Variants in MAGI2 observed in about 807,000 individuals in gnomAD.
MAGI2 encodes the protein membrane-associated guanylate kinase, WW and PDZ domain-containing protein 2.
In MAGI2, 35 loss-of-function variants were observed where a neutral mutation model predicts 133.3. That is an observed-to-expected ratio of 0.26 (90% CI 0.20 to 0.35). The LOEUF is 0.35. Among genes scored for constraint, MAGI2 ranks in the 10% least tolerant of loss-of-function variants. MAGI2 has a pLI of 1.00. For missense variants in MAGI2, 1,636 were observed against 1,863.4 expected (o/e 0.88, Z 2.25); for synonymous variants, 729 against 710.6 (o/e 1.03, Z -0.41).
chr7:79,292,630 C>A (rs1227284576), intron 1 of MAGI2, among the ~76,000 whole-genome samples: 1 of 149,906 alleles, frequency 6.7e-6, no homozygotes, highest in African/African-American at 2.5e-5. Flanking sequence ...GAGACCCTGC[C>A]ACCAAAAAAA....
rs540512435 is a variant in MAGI2 at position 78,929,641 on chromosome 7, G to A, written c.418+77449C>T. On this transcript the variant is annotated intron_variant, in intron 2 of 21. Transcript: ENST00000354212. The stretch of plus-strand genomic sequence containing the variant: ...CTACAATGTCTGCTTCCATCATCAC[G>A]TAGGCTTCTTTTATGGTTCCTTCTG... 1.1e-4 allele frequency among the ~76,000 whole-genome samples: 17 copies of A among 152,052 alleles called. 1 individual carries two copies. In the South Asian group the frequency reaches 2.5e-3, roughly 22 times the overall value.
chr7:79,178,051 T>C (rs1826269420), intron 1 of MAGI2, among the ~76,000 whole-genome samples: 2 of 152,000 alleles, frequency 1.3e-5, no homozygotes, highest in Non-Finnish European at 2.9e-5. Flanking sequence ...CTATCATATC[T>C]TCAAAGTAGT....
Position 78,745,862 on chromosome 7 carries a change from T to G in MAGI2, c.419-118623A>C, listed in dbSNP as rs573328986. Among the ~76,000 whole-genome samples the G allele has an allele frequency of 1.8e-4, 28 of 152,324 alleles. 3 individuals are homozygous for G. The Middle Eastern group carries it at 0.01, about 56-fold the overall frequency. On this transcript the variant is annotated intron_variant, in intron 2 of 21. Coordinates refer to ENST00000354212, the MANE Select transcript of MAGI2 (RefSeq NM_012301.4). The stretch of plus-strand genomic sequence containing the variant: ...ATTGTCTTACTCTCCCTATCCTGCT[T>G]TATGAGTTGATAGTGGTATCAGTTA...
In MAGI2 at chr7:78,905,244, GT is replaced by G. The variant is rs1797909301; in HGVS notation, c.418+101845del. 2.0e-5 allele frequency among the ~76,000 whole-genome samples: 3 copies of G among 152,100 alleles called. No individual in the cohort carries two copies. In the South Asian group the frequency reaches 6.2e-4, roughly 31 times the overall value. On this transcript the variant is annotated intron_variant, in intron 2 of 21. Transcript: ENST00000354212. Reference sequence around the variant, plus strand: ...CTCTCCAAACTCTTTCCTACAATGTGTTGCAATTTTCAGTAATGACACCGTG... The same window carrying G: ...CTCTCCAAACTCTTTCCTACAATGTGTGCAATTTTCAGTAATGACACCGTG...
At chr7:78,808,363 TCTC>T (rs1236101071) in intron 2 of MAGI2, among the ~76,000 whole-genome samples, 2 of 152,036 alleles carry the variant, frequency 1.3e-5, no homozygotes, top group Non-Finnish European at 2.9e-5. Context: ...TTCAAGCAAT[TCTC>T]CTGCCTCAGC....
intron 1 of MAGI2, among the ~76,000 whole-genome samples, chr7:79,207,883 C>T (rs1829186899): frequency 6.6e-6 from 1 of 151,948 alleles, no homozygotes; most frequent in Non-Finnish European, 1.5e-5. Flanking sequence ...AATAAATCCA[C>T]ACATTTACGG....
Position 78,298,215 on chromosome 7 carries a change from C to T in MAGI2, c.1409-41634G>A, listed in dbSNP as rs117850644. ...CAGTACTCATGGGAATTGTCAAGGT[C>T]ATCAAAAACAAGAAAAGTCTAAAAA... On this transcript the variant is annotated intron_variant, in intron 9 of 21. Coordinates refer to ENST00000354212, the MANE Select transcript of MAGI2 (RefSeq NM_012301.4). 7.8e-3 allele frequency among the ~76,000 whole-genome samples: 1,179 copies of T among 152,096 alleles called. 15 individuals are homozygous for T. The highest frequency in any genetic ancestry group is 0.044 in the Middle Eastern group (13 of 294).
intron 2 of MAGI2, among the ~76,000 whole-genome samples, chr7:78,892,933 T>C (rs1796888019): frequency 6.6e-6 from 1 of 151,822 alleles, no homozygotes; most frequent in Admixed American, 6.6e-5. Context: ...ACCATCAGAG[T>C]GAACAGGCAA....
At chr7:78,923,840 T>C (rs1362931827) in intron 2 of MAGI2, among the ~76,000 whole-genome samples, 1 of 152,188 alleles carries the variant, frequency 6.6e-6, no homozygotes. Context: ...GGAATGTTCT[T>C]CCATTTGTTT....
rs572162001 is a variant in MAGI2 at position 78,152,237 on chromosome 7, A to C, written c.2845+7788T>G. On this transcript the variant is annotated intron_variant, in intron 16 of 21. Transcript: ENST00000354212. ...GTGCCTGGGAGAAACCTTCATACAA[A>C]ATATTATTGCATAAGAGAAGCATAC... Among the ~76,000 whole-genome samples, 30 of 152,292 alleles carry C rather than the reference A, an allele frequency of 2.0e-4. No homozygotes were observed. In the South Asian group the frequency reaches 6.2e-3, roughly 32 times the overall value.
chr7:78,363,254 G>A (rs1164353981), intron 7 of MAGI2, among the ~76,000 whole-genome samples: 1 of 152,172 alleles, frequency 6.6e-6, no homozygotes, highest in African/African-American at 2.4e-5. Context: ...AGCACTTTGC[G>A]AGGCCGAGGT....
chr7:78,277,473 AATT>A (rs1415795413), intron 9 of MAGI2, among the ~76,000 whole-genome samples: 2 of 152,202 alleles, frequency 1.3e-5, no homozygotes, highest in Admixed American at 6.5e-5. Context: ...AAATGCAAAA[AATT>A]AGTAACATTT....
chr7:79,389,073 G>A (rs184992035), intron 1 of MAGI2, among the ~76,000 whole-genome samples: 39 of 151,882 alleles, frequency 2.6e-4, no homozygotes, highest in African/African-American at 8.2e-4. Context: ...TAAACAAAAA[G>A]TTGATCTTAA....
intron 2 of MAGI2, among the ~76,000 whole-genome samples, chr7:78,947,866 C>T (rs888671799): frequency 6.6e-6 from 1 of 152,036 alleles, no homozygotes; most frequent in African/African-American, 2.4e-5. Context: ...TGACTTTTGG[C>T]CATTTCCTAA....
At chr7:78,224,825 G>A (rs892618413) in intron 10 of MAGI2, among the ~76,000 whole-genome samples, 6 of 151,618 alleles carry the variant, frequency 4.0e-5, no homozygotes, top group Non-Finnish European at 7.4e-5. Context: ...AAAGCCTCAC[G>A]GTGAATGGCA....
chr7:79,113,876 G>A (rs995558334), intron 1 of MAGI2, among the ~76,000 whole-genome samples: 1 of 151,696 alleles, frequency 6.6e-6, no homozygotes, highest in African/African-American at 2.4e-5. Flanking sequence ...TTACCTTAAT[G>A]TCAGACTTGA....
rs540413200 is a variant in MAGI2, at chr7:79,190,928, GAT to G, written c.302-183724_302-183723del. 9.4e-4 allele frequency among the ~76,000 whole-genome samples: 142 copies of G among 151,804 alleles called. 1 individual carries two copies. The highest frequency in any genetic ancestry group is 1.5e-3 in the Non-Finnish European group (102 of 67,892). On this transcript the variant is annotated intron_variant, in intron 1 of 21. Coordinates refer to ENST00000354212, the MANE Select transcript of MAGI2 (RefSeq NM_012301.4). ...GGTAAATCAATGCCATTAAAAATAA[GAT>G]ATAAATTTTCTCTATTGATTGAAAA...
intron 2 of MAGI2, among the ~76,000 whole-genome samples, chr7:78,811,154 G>A (rs1287142507): frequency 6.6e-6 from 1 of 151,722 alleles, no homozygotes; most frequent in East Asian, 1.9e-4. Context: ...AATAAGAAAA[G>A]CAAACTGATT....
chr7:78,612,653 G>T (rs1034619722), intron 3 of MAGI2, among the ~76,000 whole-genome samples: 1 of 151,940 alleles, frequency 6.6e-6, no homozygotes, highest in African/African-American at 2.4e-5. Flanking sequence ...CATAAAAGAG[G>T]AAAATCACAT....
Sources: allele counts gnomAD v4.1 joint callset (sites outside exome capture counted in the v4.1 genomes callset), GRCh38; gene constraint gnomAD v4.1.1; transcripts MANE v1.5; gene names NCBI Gene and HGNC (gene_info 2026-07-23, HGNC 2026-07-21).